MIER1: variants seen among roughly 807,000 people sequenced by gnomAD.
The protein encoded by MIER1 is mesoderm induction early response protein 1.
In MIER1, 40 loss-of-function variants were observed where a neutral mutation model predicts 75.7. The observed-to-expected ratio is 0.53, with a 90% CI of 0.41 to 0.69. MIER1 has a LOEUF of 0.69. Ranked by LOEUF, MIER1 falls within the 30% of genes least tolerant of loss-of-function variation. MIER1 has a pLI of 0.00. For synonymous variants in MIER1, 213 were observed against 223.4 expected, an observed-to-expected ratio of 0.95 and a Z score of 0.42; for missense variants, 574 against 680.2, an observed-to-expected ratio of 0.84 and a Z score of 1.74.
chr1:66,946,638 C>T (rs1351967196), intron 4 of MIER1: 29 of 999,842 alleles, frequency 2.9e-5, no homozygotes, highest in Non-Finnish European at 3.2e-5. Flanking sequence ...TTTACTTATT[C>T]TCCTTCAGAG....
intron 8 of MIER1, among the ~76,000 whole-genome samples, chr1:66,963,631 C>T (rs1299077257): frequency 2.0e-5 from 3 of 152,148 alleles, no homozygotes; most frequent in Admixed American, 2.0e-4. Context: ...TACTTTGGAC[C>T]AGGTGCCGTG....
At chr1:66,925,372 C>T in intron 1 of MIER1, 1 of 985,428 alleles carries the variant, frequency 1.0e-6, no homozygotes, top group Non-Finnish European at 1.2e-6. Flanking sequence ...CGCTGGGAAT[C>T]CGCTGCGGAG....
intron 11 of MIER1, among the ~76,000 whole-genome samples, chr1:66,974,638 T>C (rs1266544435): frequency 6.6e-6 from 1 of 152,104 alleles, no homozygotes; most frequent in Non-Finnish European, 1.5e-5. Flanking sequence ...ACATAAGTAT[T>C]AAAAGTATAA....
intron 8 of MIER1, among the ~76,000 whole-genome samples, chr1:66,969,578 A>C (rs994533046): frequency 1.5e-5 from 2 of 134,458 alleles, no homozygotes; most frequent in African/African-American, 5.4e-5. Context: ...AAAAAAAATC[A>C]TTGCCTGGTA....
intron 7 of MIER1, among the ~76,000 whole-genome samples, chr1:66,961,634 C>A (rs999319678): frequency 6.6e-6 from 1 of 151,640 alleles, no homozygotes; most frequent in Non-Finnish European, 1.5e-5. Context: ...ACTACCAGGG[C>A]CTTCATTCAT....
chr1:66,931,359 G>A (rs1029905674), intron 2 of MIER1, among the ~76,000 whole-genome samples: 1 of 152,066 alleles, frequency 6.6e-6, no homozygotes, highest in African/African-American at 2.4e-5. Context: ...TTCCTTACCC[G>A]TGGAAGAATT....
chr1:66,976,564 A>T lies in MIER1; in HGVS notation c.1102-31A>T, dbSNP rs1205213356. The T allele has an allele frequency of 2.0e-6, 3 of 1,533,558 alleles. No individual in the cohort carries two copies. The African/African-American group carries it at 4.2e-5, about 22-fold the overall frequency. 95.0% of individuals were successfully genotyped at this position (1,533,558 alleles called of 1,614,324 possible). A position where few individuals can be genotyped will look rare whatever the true frequency, so the allele number is the denominator to read the frequency against. On this transcript the variant is annotated intron_variant, in intron 11 of 13. Transcript: ENST00000401041. ...ATGAAGTAACTTTGTTAAAAAGGAG[A>T]TTCTTAAAAGCAAGCATTTGTTTCT...
At chr1:66,971,795 C>T in intron 10 of MIER1, 59 bp downstream of exon 10, 2 of 890,102 alleles carry the variant, frequency 2.2e-6, no homozygotes, top group Non-Finnish European at 3.5e-6. Flanking sequence ...TTAAGCTTTT[C>T]AGTTTACCTA....
At chr1:66,943,244 C>T (rs912695635) in intron 3 of MIER1, among the ~76,000 whole-genome samples, 42 of 152,206 alleles carry the variant, frequency 2.8e-4, no homozygotes, top group African/African-American at 8.4e-4. Flanking sequence ...AAAACTACAC[C>T]TATATTAATG....
intron 10 of MIER1, among the ~76,000 whole-genome samples, chr1:66,972,241 T>TATATATATATATATATATACACTAC (rs1663809947): frequency 2.9e-5 from 2 of 68,994 alleles, no homozygotes; most frequent in African/African-American, 2.1e-4. Flanking sequence ...ACTACATATA[T>TATATATATATATATATATACACTAC]ATATATATAT....
chr1:66,982,609 T>G (rs1666124556), intron 13 of MIER1, among the ~76,000 whole-genome samples: 1 of 152,162 alleles, frequency 6.6e-6, no homozygotes, highest in South Asian at 2.1e-4. Flanking sequence ...AAGAAAGTAA[T>G]AAGCGCCACC....
chr1:66,973,437 C>T (rs11809283), intron 11 of MIER1, among the ~76,000 whole-genome samples: 4,221 of 152,044 alleles, frequency 0.028, 184 homozygotes, highest in African/African-American at 0.095. Context: ...TAATATTTAA[C>T]TTAGTTTTAG....
At chr1:66,938,366 A>T (rs1043861065) in intron 2 of MIER1, among the ~76,000 whole-genome samples, 1 of 152,204 alleles carries the variant, frequency 6.6e-6, no homozygotes, top group Non-Finnish European at 1.5e-5. Flanking sequence ...TGGAATAATT[A>T]TTCCAGTGTT....
At position 66,968,566 on chromosome 1, in the gene MIER1, T is replaced by C. The variant is rs185316869; in HGVS notation, c.773-2242T>C. Among the ~76,000 whole-genome samples the C allele has an allele frequency of 2.6e-5, 4 of 152,274 alleles. No individual in the cohort carries two copies. The East Asian group carries it at 7.7e-4, about 29-fold the overall frequency. ...CTTACCTAGTATCTTGGAGAGACAT[T>C]GACAAATTTTTTCTCTCTGCCATCC... On this transcript the variant is annotated intron_variant, in intron 8 of 13. Coordinates refer to ENST00000401041, the MANE Select transcript of MIER1 (RefSeq NM_001077700.3).
chr1:66,945,891 G>T (rs943682533), intron 3 of MIER1, among the ~76,000 whole-genome samples: 5 of 152,062 alleles, frequency 3.3e-5, no homozygotes, highest in African/African-American at 1.2e-4. Flanking sequence ...CACACGAAAA[G>T]CCTGTTCTTA....
chr1:66,925,416 G>GAT, intron 1 of MIER1: 3 of 985,434 alleles, frequency 3.0e-6, no homozygotes, highest in Non-Finnish European at 3.6e-6. Flanking sequence ...TTCGGTCCCT[G>GAT]ATCCCAGTCG....
At chr1:66,967,916 A>G (rs1406089059) in intron 8 of MIER1, among the ~76,000 whole-genome samples, 1 of 152,076 alleles carries the variant, frequency 6.6e-6, no homozygotes, top group Non-Finnish European at 1.5e-5. Flanking sequence ...GGTTTTTCCA[A>G]ATACAAGATC....
At chr1:66,936,157 AAAAAG>A (rs772286623) in intron 2 of MIER1, among the ~76,000 whole-genome samples, 52 of 152,256 alleles carry the variant, frequency 3.4e-4, no homozygotes, top group Non-Finnish European at 6.0e-4. Context: ...ATCTTTCCTA[AAAAAG>A]GTATTTTTTC....
At position 66,931,087 on chromosome 1, in the gene MIER1, A is replaced by T. The variant is rs143134884; in HGVS notation, c.168+4845A>T. On this transcript the variant is annotated intron_variant, in intron 2 of 13. Coordinates refer to ENST00000401041, the MANE Select transcript of MIER1 (RefSeq NM_001077700.3). ...CCCACCCCCTTTCCAAATCAAGGCT[A>T]CCTATTCTTGTCTTCTTTCTCTTCT... Among the ~76,000 whole-genome samples the T allele has an allele frequency of 3.7e-5, 5 of 135,502 alleles. No individual in the cohort carries two copies. In the East Asian group the frequency reaches 1.2e-3, roughly 31 times the overall value. 88.9% of individuals were successfully genotyped at this position (135,502 alleles called of 152,430 possible).
Sources: allele counts gnomAD v4.1 joint callset (sites outside exome capture counted in the v4.1 genomes callset), GRCh38; gene constraint gnomAD v4.1.1; transcripts MANE v1.5; gene names NCBI Gene and HGNC (gene_info 2026-07-23, HGNC 2026-07-21).